The following SUPT7L variants were observed in gnomAD, a reference collection of about 807,000 sequenced individuals.
SUPT7L encodes the protein SPT7 like, STAGA complex subunit gamma, also known as STAGA complex 65 subunit gamma.
Under a neutral mutation model 35.7 loss-of-function variants are expected in SUPT7L, and 15 were observed. The ratio of observed to expected loss-of-function variants is 0.42; its 90% CI spans 0.28 to 0.65. The LOEUF (loss-of-function observed/expected upper bound fraction) is 0.65, where lower values mean the gene tolerates loss of function less well. SUPT7L is among the 30% of genes least tolerant of loss of function. The pLI, the probability that SUPT7L is intolerant of heterozygous loss-of-function variation, is 0.23. For synonymous variants in SUPT7L, 168 were observed against 186.2 expected, an observed-to-expected ratio of 0.90 and a Z score of 0.79; for missense variants, 434 against 522.2, an observed-to-expected ratio of 0.83 and a Z score of 1.65.
chr2:27,655,249 C>T, intron 5 of SUPT7L, 116 bp downstream of exon 5: 6 of 858,122 alleles, frequency 7.0e-6, no homozygotes, highest in Non-Finnish European at 7.3e-6. Flanking sequence ...TAGGACTTTC[C>T]ATTCTGCCCA....
At chr2:27,642,954 T>TACACACACACACACACAC in the SUPT7L span, among the ~76,000 whole-genome samples, 630 of 46,694 alleles carry the variant, frequency 0.013, 16 homozygotes, top group Admixed American at 0.069. Context: ...TATATATATA[T>TACACACACACACACACAC]ATATACACAC....
At chr2:27,656,477 A>G (rs886857096) in intron 4 of SUPT7L, among the ~76,000 whole-genome samples, 2 of 152,048 alleles carry the variant, frequency 1.3e-5, no homozygotes, top group African/African-American at 4.8e-5. Flanking sequence ...GGGTCTTGCT[A>G]TGTTGCCCAG....
downstream of SUPT7L, chr2:27,647,738 T>C (rs553433546): frequency 1.1e-5 from 8 of 706,618 alleles, no homozygotes; most frequent in Non-Finnish European, 2.1e-5. Flanking sequence ...ATATGTATCA[T>C]GAGCACTTTC....
chr2:27,661,044 C>T lies in SUPT7L; in HGVS notation c.359G>A (p.Cys120Tyr). The change falls in exon 3 of 6, where the codon TGT (cysteine) becomes TAT (tyrosine). Residue 120 changes from cysteine to tyrosine, a missense_variant. This residue lies in a region of SUPT7L where 198 missense variants were observed against 190.8 expected (regional missense o/e 1.04). Coordinates refer to ENST00000337768, the MANE Select transcript of SUPT7L (RefSeq NM_014860.3). The stretch of plus-strand genomic sequence containing the variant: ...CTGGAATGGTGCATTGGGATTCTTA[C>T]AATCTAAAGGCAGGAGGTCATCAGG... ...PLPDDLLPLD[C>Y]KNPNAPFQIR... 3.1e-6 allele frequency: 5 copies of T among 1,614,144 alleles called. No homozygotes were observed. The highest frequency in any genetic ancestry group is 4.2e-6 in the Non-Finnish European group (5 of 1,180,012).
downstream of SUPT7L, among the ~76,000 whole-genome samples, chr2:27,647,433 TC>T (rs1424791745): frequency 6.6e-6 from 1 of 152,206 alleles, no homozygotes; most frequent in East Asian, 1.9e-4. Context: ...AACTTACATT[TC>T]CACCAGGAGG....
the SUPT7L span, among the ~76,000 whole-genome samples, chr2:27,644,265 C>G: frequency 6.6e-6 from 1 of 152,128 alleles, no homozygotes; most frequent in Non-Finnish European, 1.5e-5. Flanking sequence ...TGCTTTGAGA[C>G]TATAAATATC....
At chr2:27,656,364 C>T (rs575564979) in intron 4 of SUPT7L, among the ~76,000 whole-genome samples, 2 of 152,242 alleles carry the variant, frequency 1.3e-5, no homozygotes, top group South Asian at 4.2e-4. Flanking sequence ...AAATCATCAC[C>T]CCCCACCAAC....
the SUPT7L span, among the ~76,000 whole-genome samples, chr2:27,644,723 G>GTT: frequency 0.011 from 1,154 of 101,688 alleles, 48 homozygotes; most frequent in African/African-American, 0.039. Context: ...TTTTGGTAGT[G>GTT]TTTTTTTTTT....
downstream of SUPT7L, among the ~76,000 whole-genome samples, chr2:27,649,389 T>A (rs990851902): frequency 2.0e-5 from 3 of 152,350 alleles, no homozygotes; most frequent in African/African-American, 7.2e-5. Context: ...TTTTAAGATG[T>A]AGTTTACCAA....
At position 27,658,863 on chromosome 2, in the gene SUPT7L, T is replaced by C. The variant is rs3792251; in HGVS notation, c.420-1194A>G. Among the ~76,000 whole-genome samples the C allele has an allele frequency of 2.7e-4, 41 of 152,350 alleles. No individual in the cohort carries two copies. In the East Asian group the frequency reaches 7.5e-3, roughly 28 times the overall value. On this transcript the variant is annotated intron_variant, in intron 3 of 5. Transcript: ENST00000337768. ...AACCAATATCACTTTCCTAGAATAATATCTGGACCTCTTTCAAAGGAAAGT... is the reference window on the plus strand; with the variant it reads ...AACCAATATCACTTTCCTAGAATAACATCTGGACCTCTTTCAAAGGAAAGT...
At chr2:27,658,720 C>A (rs2148117919) in intron 3 of SUPT7L, among the ~76,000 whole-genome samples, 1 of 152,322 alleles carries the variant, frequency 6.6e-6, no homozygotes, top group South Asian at 2.1e-4. Context: ...AATAGTTTGA[C>A]AATAAGATAA....
chr2:27,655,689 A>G (rs1471818261), intron 4 of SUPT7L, 87 bp from the exon 5 acceptor site: 1 of 1,147,354 alleles, frequency 8.7e-7, no homozygotes, highest in Admixed American at 2.4e-5. Context: ...AAAAGCCAAC[A>G]GAACATGAAT....
intron 1 of SUPT7L, among the ~76,000 whole-genome samples, chr2:27,662,580 C>T (rs142572279): frequency 2.6e-5 from 4 of 152,286 alleles, no homozygotes; most frequent in African/African-American, 9.6e-5. Flanking sequence ...GTCACTTCAC[C>T]AGTGCATCTC....
Position 27,651,532 on chromosome 2 carries a change from T to G in SUPT7L, c.*1953A>C, listed in dbSNP as rs1388084568. On this transcript the variant is annotated 3_prime_UTR_variant, in exon 6 of 6. Transcript: ENST00000337768. The stretch of plus-strand genomic sequence containing the variant: ...AAGTATTAATTTTAATGTTCTATAC[T>G]TAGTGGGAACCACTGGTCTCAAAAT... The G allele has an allele frequency of 6.6e-6, 1 of 152,296 alleles. No individual in the cohort carries two copies. Among genetic ancestry groups the G allele is most frequent in the Non-Finnish European group, 1.5e-5 (1 of 68,048 alleles). The allele number at this position is 152,296 out of a possible 1,614,324, so 9.4% of individuals were successfully genotyped here. A position where few individuals can be genotyped will look rare whatever the true frequency, so the allele number is the denominator to read the frequency against.
rs1236949547 is a variant in SUPT7L at position 27,653,475 on chromosome 2, T to G, written c.*10A>C. 6.2e-7 allele frequency: 1 copy of G among 1,611,372 alleles called. No individual in the cohort carries two copies. Among genetic ancestry groups the G allele is most frequent in the Non-Finnish European group, 8.5e-7 (1 of 1,178,976 alleles). On this transcript the variant is annotated 3_prime_UTR_variant, in exon 6 of 6. Coordinates refer to ENST00000337768, the MANE Select transcript of SUPT7L (RefSeq NM_014860.3). ...AGTAGGTCTGGACAAAACATCTCCC[T>G]CTTTTCCTTTTATATTTTCCTCATC... is the stretch of plus-strand genomic sequence containing the variant.
At chr2:27,650,248 C>T, downstream of SUPT7L, 1 of 1,095,016 alleles carries the variant, frequency 9.1e-7, no homozygotes. Flanking sequence ...GAATTTTGGA[C>T]CTCCACGTGA....
At chr2:27,648,307 GC>G (rs1226068605), downstream of SUPT7L, among the ~76,000 whole-genome samples, 1 of 152,084 alleles carries the variant, frequency 6.6e-6, no homozygotes. Context: ...ATTGCTTGAG[GC>G]CAGGAGTTCT....
downstream of SUPT7L, among the ~76,000 whole-genome samples, chr2:27,649,044 G>A (rs566455157): frequency 6.6e-6 from 1 of 151,664 alleles, no homozygotes; most frequent in Admixed American, 6.6e-5. Context: ...AGGAGTTCAA[G>A]ACCAGCCTGA....
intron 5 of SUPT7L, among the ~76,000 whole-genome samples, chr2:27,654,616 G>A (rs1226087486): frequency 6.6e-6 from 1 of 152,118 alleles, no homozygotes; most frequent in Admixed American, 6.6e-5. Flanking sequence ...GCCCAGGCTG[G>A]AGTGCAGTGG....
Sources: allele counts gnomAD v4.1 joint callset (sites outside exome capture counted in the v4.1 genomes callset), GRCh38; gene constraint gnomAD v4.1.1; regional missense constraint gnomAD v4.1.1; transcripts MANE v1.5; gene names NCBI Gene and HGNC (gene_info 2026-07-23, HGNC 2026-07-21).